Variants in CHODL observed in about 807,000 individuals in gnomAD.
CHODL encodes the protein chondrolectin, also known as transmembrane protein MT75.
CHODL carries 29 observed loss-of-function variants against 34.5 expected under a neutral mutation model. The ratio of observed to expected loss-of-function variants is 0.84; its 90% CI spans 0.63 to 1.15. CHODL has a LOEUF of 1.15. Among genes scored for constraint, CHODL ranks in the 50% most tolerant of loss-of-function variants. The pLI is 0.00. For missense variants in CHODL, 332 were observed against 332.5 expected, an observed-to-expected ratio of 1.00 and a Z score of 0.01; for synonymous variants, 125 against 116.1, an observed-to-expected ratio of 1.08 and a Z score of -0.49.
At chr21:18,089,588 A>G (rs1324426957) in intron 2 of CHODL, among the ~76,000 whole-genome samples, 1 of 152,186 alleles carries the variant, frequency 6.6e-6, no homozygotes, top group Non-Finnish European at 1.5e-5. Context: ...ATATGGATGC[A>G]TTTTATTTTA....
chr21:17,930,116 G>A (rs1266169804), intron 1 of CHODL, among the ~76,000 whole-genome samples: 1 of 151,650 alleles, frequency 6.6e-6, no homozygotes, highest in East Asian at 1.9e-4. Context: ...GGCCAAGGAG[G>A]GAGTGGGAAG....
At chr21:17,971,211 T>C (rs2063611733) in intron 1 of CHODL, among the ~76,000 whole-genome samples, 1 of 152,214 alleles carries the variant, frequency 6.6e-6, no homozygotes. Context: ...CATATGTCTT[T>C]ATAGTAGAAT....
intron 1 of CHODL, among the ~76,000 whole-genome samples, chr21:17,981,046 G>A (rs898765082): frequency 7.9e-5 from 12 of 152,214 alleles, no homozygotes; most frequent in African/African-American, 2.9e-4. Context: ...GCACATTTTG[G>A]TCCCATTGTA....
intron 1 of CHODL, among the ~76,000 whole-genome samples, chr21:18,008,762 T>A (rs1301811829): frequency 6.6e-6 from 1 of 152,248 alleles, no homozygotes; most frequent in African/African-American, 2.4e-5. Flanking sequence ...GTTCCAATTT[T>A]TGTAATGATA....
At chr21:18,262,318 C>A (rs908479307) in intron 4 of CHODL, among the ~76,000 whole-genome samples, 1 of 152,102 alleles carries the variant, frequency 6.6e-6, no homozygotes. Context: ...GCAATTTTGT[C>A]ATTGTGCGAA....
intron 2 of CHODL, among the ~76,000 whole-genome samples, chr21:18,070,212 C>G (rs2146497833): frequency 6.6e-6 from 1 of 151,794 alleles, no homozygotes; most frequent in Non-Finnish European, 1.5e-5. Flanking sequence ...CACCTGTTCC[C>G]CAGAAACCTA....
At chr21:18,145,545 G>A (rs1386641297) in intron 2 of CHODL, among the ~76,000 whole-genome samples, 1 of 151,484 alleles carries the variant, frequency 6.6e-6, no homozygotes, top group African/African-American at 2.4e-5. Flanking sequence ...TTTTCTGAAT[G>A]CTTGCTTATA....
At chr21:17,939,887 T>C (rs979659178) in intron 1 of CHODL, among the ~76,000 whole-genome samples, 3 of 152,208 alleles carry the variant, frequency 2.0e-5, no homozygotes, top group African/African-American at 4.8e-5. Flanking sequence ...ATTACGTGTC[T>C]TATAATTTCA....
chr21:18,097,873 T>C (rs1313120386), intron 2 of CHODL, among the ~76,000 whole-genome samples: 1 of 152,030 alleles, frequency 6.6e-6, no homozygotes, highest in African/African-American at 2.4e-5. Context: ...AACAGACACA[T>C]AGACCAAAGG....
chr21:18,000,627 T>C (rs1307508305), intron 1 of CHODL, among the ~76,000 whole-genome samples: 1 of 152,180 alleles, frequency 6.6e-6, no homozygotes, highest in Non-Finnish European at 1.5e-5. Flanking sequence ...TAGTTCTTCG[T>C]CTCTTGTGAA....
At chr21:18,023,670 T>C (rs1189111055) in intron 1 of CHODL, among the ~76,000 whole-genome samples, 2 of 152,182 alleles carry the variant, frequency 1.3e-5, no homozygotes, top group African/African-American at 4.8e-5. Context: ...TTTTCTCCCC[T>C]TAACCAATTA....
intron 2 of CHODL, among the ~76,000 whole-genome samples, chr21:18,124,068 A>T (rs1377690401): frequency 6.6e-6 from 1 of 152,104 alleles, no homozygotes; most frequent in Non-Finnish European, 1.5e-5. Context: ...CCTTAATTCC[A>T]GCTACTTGGA....
At chr21:18,031,422 A>G (rs1240759461) in intron 2 of CHODL, among the ~76,000 whole-genome samples, 1 of 152,134 alleles carries the variant, frequency 6.6e-6, no homozygotes, top group Non-Finnish European at 1.5e-5. Flanking sequence ...TGGTAATAAT[A>G]GAGAAGAAGA....
intron 2 of CHODL, among the ~76,000 whole-genome samples, chr21:18,154,468 T>C (rs2073009093): frequency 6.6e-6 from 1 of 152,166 alleles, no homozygotes; most frequent in East Asian, 1.9e-4. Context: ...TTATCATTCA[T>C]GTAAATATTA....
chr21:18,244,966 C>A lies in CHODL; in HGVS notation c.-258C>A, dbSNP rs1173436085. On this transcript the variant is annotated 5_prime_UTR_variant, in exon 1 of 6. Coordinates refer to ENST00000299295, the MANE Select transcript of CHODL (RefSeq NM_024944.3). ...TTCGCCTCTAGGACATACACGGGAC[C>A]CCCTAACTTCAGTCCCCCAAACGCG... 3 of 437,984 alleles carry A rather than the reference C, an allele frequency of 6.8e-6. No individual in the cohort carries two copies. The highest frequency in any genetic ancestry group is 5.8e-4 in the Middle Eastern group (1 of 1,710). The allele number at this position is 437,984 out of a possible 1,614,324, so 27.1% of individuals were successfully genotyped here. A position where few individuals can be genotyped will look rare whatever the true frequency, so the allele number is the denominator to read the frequency against.
intron 2 of CHODL, among the ~76,000 whole-genome samples, chr21:18,220,935 C>T (rs1027042577): frequency 6.6e-6 from 1 of 152,038 alleles, no homozygotes; most frequent in African/African-American, 2.4e-5. Flanking sequence ...GTCAATATCT[C>T]TTGCAAGACT....
At chr21:18,189,127 T>C (rs954555156) in intron 2 of CHODL, among the ~76,000 whole-genome samples, 3 of 152,212 alleles carry the variant, frequency 2.0e-5, no homozygotes, top group Non-Finnish European at 4.4e-5. Context: ...ATCAGAATTC[T>C]CTCTCTCTTT....
intron 2 of CHODL, among the ~76,000 whole-genome samples, chr21:18,111,701 C>G (rs905502609): frequency 2.0e-5 from 3 of 152,168 alleles, no homozygotes; most frequent in African/African-American, 7.2e-5. Context: ...GCAAATGTTT[C>G]TTTATCAATT....
At chr21:18,116,530 T>A (rs941547306) in intron 2 of CHODL, among the ~76,000 whole-genome samples, 3 of 152,232 alleles carry the variant, frequency 2.0e-5, no homozygotes, top group African/African-American at 7.2e-5. Context: ...GATTGGGTCC[T>A]TTCCTTTTAT....
Sources: allele counts gnomAD v4.1 joint callset (sites outside exome capture counted in the v4.1 genomes callset), GRCh38; gene constraint gnomAD v4.1.1; transcripts MANE v1.5; gene names NCBI Gene and HGNC (gene_info 2026-07-23, HGNC 2026-07-21).